HECTD4: variants seen among roughly 807,000 people sequenced by gnomAD.
The protein encoded by HECTD4 is HECT domain E3 ubiquitin protein ligase 4, also known as probable E3 ubiquitin-protein ligase HECTD4.
HECTD4 carries 114 observed loss-of-function variants against 471.5 expected under a neutral mutation model. The ratio of observed to expected loss-of-function variants is 0.24; its 90% CI spans 0.21 to 0.28. The LOEUF (loss-of-function observed/expected upper bound fraction) is 0.28. Among genes scored for constraint, HECTD4 ranks in the 10% least tolerant of loss-of-function variants. The probability of loss-of-function intolerance (pLI) is 1.00; values close to 1 mark genes in which losing one functional copy is unlikely to be tolerated. For synonymous variants in HECTD4, 2,012 were observed against 2,256.0 expected, an observed-to-expected ratio of 0.89 and a Z score of 3.07; for missense variants, 3,866 against 5,651.5, an observed-to-expected ratio of 0.68 and a Z score of 10.13.
Position 112,204,561 on chromosome 12 carries a change from T to C in HECTD4, c.8194A>G (p.Arg2732Gly). The C allele has an allele frequency of 1.2e-6, 2 of 1,613,316 alleles. No individual in the cohort carries two copies. The highest frequency in any genetic ancestry group is 1.7e-6 in the Non-Finnish European group (2 of 1,179,252). ...FLYEENGGIPRDLYLPTIEDI... is the reference protein window; with the variant it reads ...FLYEENGGIPGDLYLPTIEDI... ...TCAATGGTGGGAAGATAAAGGTCTCTTGGGATGCCACCATTCTCTTCGTAG... is the reference window on the plus strand; with the variant it reads ...TCAATGGTGGGAAGATAAAGGTCTCCTGGGATGCCACCATTCTCTTCGTAG... The change falls in exon 53 of 76, where the codon AGA becomes GGA. Residue 2732 changes from arginine to glycine, a missense_variant. By Grantham distance (125) the Arg-to-Gly change is moderately radical. Around this residue, in one of 16 missense-constraint regions of HECTD4, gnomAD observed 266 missense variants for 441.6 expected, o/e 0.60. Coordinates refer to ENST00000682272, the MANE Select transcript of HECTD4 (RefSeq NM_001388303.1).
At chr12:112,364,408 C>CAAA (rs768813376) in intron 1 of HECTD4, among the ~76,000 whole-genome samples, 1 of 124,052 alleles carries the variant, frequency 8.1e-6, no homozygotes, top group Non-Finnish European at 1.6e-5. Context: ...CTCTCTCTCT[C>CAAA]AAAAAAAAAA....
Position 112,313,084 on chromosome 12 carries a change from T to G in HECTD4, c.849A>C (p.Val283=). 3.9e-6 allele frequency: 6 copies of G among 1,535,834 alleles called. No individual in the cohort carries two copies. Among genetic ancestry groups the G allele is most frequent in the Non-Finnish European group, 5.2e-6 (6 of 1,146,742 alleles). Residue 283 remains valine (V), a synonymous_variant, in exon 4 of 76, where the codon GTA becomes GTC. Transcript: ENST00000682272. ...PSCLLGGKHI[V]SWGYEDMLPA... is the part of the protein sequence containing the mutation. The stretch of plus-strand genomic sequence containing the variant: ...GCAACATGTCTTCATAACCCCATGA[T>G]ACTATGTGTTTGCCCCCAAGCAAAC...
At chr12:112,324,411 C>T (rs935201161) in intron 1 of HECTD4, among the ~76,000 whole-genome samples, 5 of 151,892 alleles carry the variant, frequency 3.3e-5, no homozygotes, top group East Asian at 3.9e-4. Flanking sequence ...TGATCCACTG[C>T]GCTCAGCTAC....
Position 112,193,609 on chromosome 12 carries a change from T to G in HECTD4, c.8815A>C (p.Asn2939His). 1 of 1,613,294 alleles carries G rather than the reference T, an allele frequency of 6.2e-7. No individual in the cohort carries two copies. Among genetic ancestry groups the G allele is most frequent in the Non-Finnish European group, 8.5e-7 (1 of 1,179,656 alleles). ...TAAAAGAGGTCCGTGGCGGAGCAGT[T>G]CTGGGAATGGATGCAATGCTGTAAA... is the stretch of plus-strand genomic sequence containing the variant. ...QSLQHCIHSQNCSATDLFYQG... is the reference protein window; with the variant it reads ...QSLQHCIHSQHCSATDLFYQG... Residue 2939 changes from asparagine to histidine, a missense_variant, in exon 57 of 76, where the codon AAC becomes CAC. Physicochemically the swap from Asn to His is moderately conservative, Grantham distance 68 (BLOSUM62 1). This residue lies in a region of HECTD4 where 364 missense variants were observed against 413.2 expected (regional missense o/e 0.88). Transcript: ENST00000682272. The surrounding 1 kb of genome is among the most constrained non-coding windows in gnomAD (Gnocchi z 5.2).
At chr12:112,200,552 G>A in intron 55 of HECTD4, 86 bp downstream of exon 55, 1 of 1,373,556 alleles carries the variant, frequency 7.3e-7, no homozygotes, top group Non-Finnish European at 9.9e-7. Flanking sequence ...AAACTTTCTT[G>A]CTGAGGATAA....
chr12:112,222,605 T>G (rs1420948395), intron 44 of HECTD4, among the ~76,000 whole-genome samples: 1 of 152,108 alleles, frequency 6.6e-6, no homozygotes, highest in Non-Finnish European at 1.5e-5. Context: ...AGGCAGAGAT[T>G]GTAGTGAGCT....
At chr12:112,262,494 C>T (rs545782415) in intron 17 of HECTD4, among the ~76,000 whole-genome samples, 10 of 95,474 alleles carry the variant, frequency 1.0e-4, no homozygotes, top group African/African-American at 2.8e-4. Context: ...CCAGCCTGGG[C>T]GACAAAGAGA....
intron 48 of HECTD4, among the ~76,000 whole-genome samples, chr12:112,212,900 A>G (rs1000954690): frequency 6.6e-6 from 1 of 152,018 alleles, no homozygotes; most frequent in African/African-American, 2.4e-5. Flanking sequence ...GGTTCAAGCA[A>G]TTTTCCTGCC....
chr12:112,372,422 G>C (rs1405399414), intron 1 of HECTD4, among the ~76,000 whole-genome samples: 1 of 151,926 alleles, frequency 6.6e-6, no homozygotes, highest in Non-Finnish European at 1.5e-5. Context: ...ACCATGCCCG[G>C]CTAATTTTTT....
intron 60 of HECTD4, among the ~76,000 whole-genome samples, chr12:112,185,982 ATTTAT>A (rs2031847798): frequency 1.3e-5 from 2 of 152,014 alleles, no homozygotes; most frequent in African/African-American, 2.4e-5. Context: ...GGGTGGCATT[ATTTAT>A]TTTATTTTTC....
In HECTD4 at chr12:112,239,736, A is replaced by C. The variant is rs762239212; in HGVS notation, c.5105+145T>G. 1 of 606,788 alleles carries C rather than the reference A, an allele frequency of 1.6e-6. No individual in the cohort carries two copies. Among genetic ancestry groups the C allele is most frequent in the Non-Finnish European group, 2.7e-6 (1 of 374,488 alleles). The allele number at this position is 606,788 out of a possible 1,614,324, so 37.6% of individuals were successfully genotyped here. The stretch of plus-strand genomic sequence containing the variant: ...AATAAGAAATTTACATAGGAACCTT[A>C]AGTGTCTTTCAGGAGAAAAGTTTTG... On this transcript the variant is annotated intron_variant, in intron 33 of 75. Transcript: ENST00000682272. The surrounding 1 kb of genome is among the most constrained non-coding windows in gnomAD (Gnocchi z 4.9).
intron 45 of HECTD4, among the ~76,000 whole-genome samples, chr12:112,218,723 A>G (rs1053463890): frequency 6.6e-6 from 1 of 151,842 alleles, no homozygotes; most frequent in Non-Finnish European, 1.5e-5. Flanking sequence ...AGATGTACCA[A>G]TTTTTAACAT....
At chr12:112,365,772 G>GTTTTTTTTTTTT (rs5800943) in intron 1 of HECTD4, among the ~76,000 whole-genome samples, 9 of 91,942 alleles carry the variant, frequency 9.8e-5, no homozygotes, top group African/African-American at 2.1e-4. Flanking sequence ...TTTTTTTTTT[G>GTTTTTTTTTTTT]TTTTTTTTTT....
chr12:112,222,133 A>G (rs1317060149), intron 44 of HECTD4, among the ~76,000 whole-genome samples: 1 of 152,032 alleles, frequency 6.6e-6, no homozygotes, highest in Non-Finnish European at 1.5e-5. Context: ...TATCTTGGCC[A>G]GGCAGTCTTG....
At position 112,174,267 on chromosome 12, in the gene HECTD4, CT is replaced by C. The variant is rs57405754; in HGVS notation, c.11595-1407del. 2.7e-3 allele frequency among the ~76,000 whole-genome samples: 383 copies of C among 142,366 alleles called. 1 individual carries two copies. The highest frequency in any genetic ancestry group is 3.7e-3 in the Middle Eastern group (1 of 268). The allele number at this position is 142,366 out of a possible 152,430, so 93.4% of individuals were successfully genotyped here. On this transcript the variant is annotated intron_variant, in intron 66 of 75. Transcript: ENST00000682272. ...TACAGGTGTGAGCCACCTCGTCTGA[CT>C]TTTTTTTTTTTTTAAGACAGAGTGT...
chr12:112,194,836 C>G lies in HECTD4; in HGVS notation c.8749+49G>C. Reference sequence around the variant, plus strand: ...GGGAATGACTACACTGTGCACAGCGCCCGCCTGGTGCTAAGTTCCAGAGTG... The same window carrying G: ...GGGAATGACTACACTGTGCACAGCGGCCGCCTGGTGCTAAGTTCCAGAGTG... On this transcript the variant is annotated intron_variant, in intron 56 of 75. Transcript: ENST00000682272. This position sits in a 1 kb window ranked among gnomAD's most constrained non-coding sequence, Gnocchi z 4.6. The G allele has an allele frequency of 6.5e-7, 1 of 1,532,708 alleles. No individual in the cohort carries two copies. The highest frequency in any genetic ancestry group is 8.9e-7 in the Non-Finnish European group (1 of 1,124,618). The allele number at this position is 1,532,708 out of a possible 1,614,324, so 94.9% of individuals were successfully genotyped here. A position where few individuals can be genotyped will look rare whatever the true frequency, so the allele number is the denominator to read the frequency against.
Position 112,313,005 on chromosome 12 carries a change from CT to C in HECTD4, c.916+11del, listed in dbSNP as rs749902779. ...CTTACTATTAATCACAGGACAAAAACTTTTACATTACCTTTATTTTCAGAAC... is the reference window on the plus strand; with the variant it reads ...CTTACTATTAATCACAGGACAAAAACTTTACATTACCTTTATTTTCAGAAC... On this transcript the variant is annotated intron_variant, in intron 4 of 75. Coordinates refer to ENST00000682272, the MANE Select transcript of HECTD4 (RefSeq NM_001388303.1). 5.3e-5 allele frequency: 81 copies of C among 1,534,148 alleles called. 1 individual carries two copies. The East Asian group carries it at 1.6e-3, about 31-fold the overall frequency.
intron 1 of HECTD4, among the ~76,000 whole-genome samples, chr12:112,345,119 G>C (rs2036124655): frequency 6.6e-6 from 1 of 151,994 alleles, no homozygotes; most frequent in Admixed American, 6.6e-5. Flanking sequence ...AGGGTGTGAT[G>C]GCATGTACCT....
chr12:112,170,092 T>G, intron 69 of HECTD4: 1 of 586,856 alleles, frequency 1.7e-6, no homozygotes, highest in Admixed American at 3.0e-5. Flanking sequence ...GAGCAAAGCC[T>G]GCCCCACCTG....
Sources: allele counts gnomAD v4.1 joint callset (sites outside exome capture counted in the v4.1 genomes callset), GRCh38; gene constraint gnomAD v4.1.1; regional missense constraint gnomAD v4.1.1; non-coding constraint Gnocchi (gnomAD v3.1); transcripts MANE v1.5; gene names NCBI Gene and HGNC (gene_info 2026-07-23, HGNC 2026-07-21).